Variants in HCRTR2 observed in about 807,000 individuals in gnomAD.
The protein encoded by HCRTR2 is orexin receptor type 2.
In HCRTR2, 22 loss-of-function variants were observed where a neutral mutation model predicts 49.0. The ratio of observed to expected loss-of-function variants is 0.45; its 90% CI spans 0.32 to 0.64. HCRTR2 has a LOEUF of 0.64. HCRTR2 is among the 30% of genes least tolerant of loss of function. The pLI, the probability that HCRTR2 is intolerant of heterozygous loss-of-function variation, is 0.04. For missense variants in HCRTR2, 491 were observed against 559.4 expected, an observed-to-expected ratio of 0.88 and a Z score of 1.23; for synonymous variants, 236 against 205.3, an observed-to-expected ratio of 1.15 and a Z score of -1.28.
At chr6:55,261,088 T>C (rs888074858) in intron 3 of HCRTR2, among the ~76,000 whole-genome samples, 4 of 152,226 alleles carry the variant, frequency 2.6e-5, no homozygotes, top group African/African-American at 9.6e-5. Flanking sequence ...AGAATTATAA[T>C]GAGTTAATTA....
chr6:55,255,508 C>A, intron 3 of HCRTR2, 129 bp downstream of exon 3: 1 of 1,043,500 alleles, frequency 9.6e-7, no homozygotes, highest in Non-Finnish European at 1.5e-6. Flanking sequence ...TTTGCAAGAG[C>A]ATGAAAACCA....
Position 55,192,881 on chromosome 6 carries a change from T to C in HCRTR2, c.223+18071T>C, listed in dbSNP as rs3006855. Among the ~76,000 whole-genome samples the C allele has an allele frequency of 1.8e-3, 272 of 152,274 alleles. 1 individual carries two copies. Among genetic ancestry groups the C allele is most frequent in the African/African-American group, 6.1e-3 (252 of 41,566 alleles). ...AGGAAACAGTATCTGTGCTCAGATT[T>C]CAGAAATGAAGAAAATGTACTGGAG... On this transcript the variant is annotated intron_variant, in intron 1 of 6. Coordinates refer to ENST00000370862, the MANE Select transcript of HCRTR2 (RefSeq NM_001384272.1).
chr6:55,206,100 T>A (rs1765596522), intron 1 of HCRTR2, among the ~76,000 whole-genome samples: 2 of 152,134 alleles, frequency 1.3e-5, no homozygotes, highest in Admixed American at 6.6e-5. Context: ...ATTAAATATT[T>A]AATCAGACTT....
At chr6:55,117,529 C>T (rs1232101570) in intron 1 of HCRTR2, among the ~76,000 whole-genome samples, 1 of 151,578 alleles carries the variant, frequency 6.6e-6, no homozygotes, top group Admixed American at 6.6e-5. Context: ...TATTCATCAC[C>T]TCAAACATTA....
At chr6:55,236,376 T>C (rs1766215225) in intron 1 of HCRTR2, among the ~76,000 whole-genome samples, 1 of 152,104 alleles carries the variant, frequency 6.6e-6, no homozygotes, top group African/African-American at 2.4e-5. Flanking sequence ...TGTTACATAT[T>C]GTTTTATATT....
At chr6:55,215,197 C>T (rs1265011900) in intron 1 of HCRTR2, among the ~76,000 whole-genome samples, 4 of 152,034 alleles carry the variant, frequency 2.6e-5, no homozygotes, top group Non-Finnish European at 4.4e-5. Flanking sequence ...AATAGTGACT[C>T]ATCAGATACA....
At chr6:55,191,902 T>C (rs2094923680) in intron 1 of HCRTR2, among the ~76,000 whole-genome samples, 1 of 152,132 alleles carries the variant, frequency 6.6e-6, no homozygotes, top group South Asian at 2.1e-4. Context: ...TATATTGGAG[T>C]TTGCAAATAT....
chr6:55,221,796 G>A (rs575156722), intron 1 of HCRTR2, among the ~76,000 whole-genome samples: 1 of 144,058 alleles, frequency 6.9e-6, no homozygotes. Flanking sequence ...CTGGGGGACA[G>A]AGCAAGACTC....
chr6:55,219,316 A>G (rs1490145611), intron 1 of HCRTR2, among the ~76,000 whole-genome samples: 3 of 152,228 alleles, frequency 2.0e-5, no homozygotes, highest in African/African-American at 7.2e-5. Flanking sequence ...TGTTTTAACA[A>G]ATTTAAAAAT....
chr6:55,201,357 T>A (rs1363585140), intron 1 of HCRTR2, among the ~76,000 whole-genome samples: 1 of 152,086 alleles, frequency 6.6e-6, no homozygotes, highest in Non-Finnish European at 1.5e-5. Context: ...TCTCTGCTTG[T>A]GTTAAGTCAT....
chr6:55,177,750 C>T (rs1765065694), intron 1 of HCRTR2, among the ~76,000 whole-genome samples: 2 of 152,038 alleles, frequency 1.3e-5, no homozygotes, highest in South Asian at 2.1e-4. Flanking sequence ...TCTTGATTGT[C>T]CTCATCTCTT....
At chr6:55,239,860 C>T (rs1766289046) in intron 1 of HCRTR2, among the ~76,000 whole-genome samples, 1 of 150,952 alleles carries the variant, frequency 6.6e-6, no homozygotes, top group African/African-American at 2.4e-5. Context: ...TCACTGCAAC[C>T]CCCGCCTCCC....
chr6:55,150,456 C>G (rs563686291), intron 1 of HCRTR2, among the ~76,000 whole-genome samples: 2 of 152,052 alleles, frequency 1.3e-5, no homozygotes, highest in South Asian at 4.1e-4. Context: ...TACTCATCTT[C>G]TATAACTGAG....
At chr6:55,146,351 A>G (rs1250844453) in intron 1 of HCRTR2, among the ~76,000 whole-genome samples, 1 of 152,284 alleles carries the variant, frequency 6.6e-6, no homozygotes, top group East Asian at 1.9e-4. Flanking sequence ...CAAATGCCAC[A>G]TGGTTATAGA....
intron 1 of HCRTR2, among the ~76,000 whole-genome samples, chr6:55,201,031 A>G (rs4479932): frequency 0.071 from 10,724 of 152,090 alleles, 516 homozygotes; most frequent in Non-Finnish European, 0.11. Context: ...ACCATATTGC[A>G]TACATTCATG....
chr6:55,188,698 A>G (rs1765265885), intron 1 of HCRTR2, among the ~76,000 whole-genome samples: 1 of 152,232 alleles, frequency 6.6e-6, no homozygotes, highest in African/African-American at 2.4e-5. Context: ...GAAGTGAATG[A>G]GGCATGGTTC....
intron 1 of HCRTR2, among the ~76,000 whole-genome samples, chr6:55,113,038 C>T (rs1298814482): frequency 6.6e-6 from 1 of 151,944 alleles, no homozygotes; most frequent in African/African-American, 2.4e-5. Flanking sequence ...AATGGTCACC[C>T]TATTCAAGGA....
chr6:55,199,162 A>T (rs1765467629), intron 1 of HCRTR2, among the ~76,000 whole-genome samples: 1 of 152,136 alleles, frequency 6.6e-6, no homozygotes, highest in African/African-American at 2.4e-5. Context: ...TATTGTAATG[A>T]CAAAAACACA....
At chr6:55,118,017 T>A (rs1208777028) in intron 1 of HCRTR2, among the ~76,000 whole-genome samples, 1 of 151,700 alleles carries the variant, frequency 6.6e-6, no homozygotes, top group Admixed American at 6.6e-5. Context: ...AAGCCTAGTA[T>A]CCACTTGTTA....
Sources: allele counts gnomAD v4.1 joint callset (sites outside exome capture counted in the v4.1 genomes callset), GRCh38; gene constraint gnomAD v4.1.1; transcripts MANE v1.5; gene names NCBI Gene and HGNC (gene_info 2026-07-23, HGNC 2026-07-21).